Variants in ARVCF observed in about 807,000 individuals in gnomAD.
ARVCF encodes the protein splicing regulator ARVCF.
In ARVCF, 66 loss-of-function variants were observed where a neutral mutation model predicts 90.9. The ratio of observed to expected loss-of-function variants is 0.73; its 90% CI spans 0.60 to 0.89. The LOEUF (loss-of-function observed/expected upper bound fraction) is 0.89. Among genes scored for constraint, ARVCF ranks in the 40% least tolerant of loss-of-function variants. The pLI is 0.00. For synonymous variants in ARVCF, 653 were observed against 603.4 expected (o/e 1.08, Z -1.21); for missense variants, 1,469 against 1,382.3 (o/e 1.06, Z -1.00).
intron 4 of ARVCF, 40 bp from the exon 5 acceptor site, chr22:19,981,777 G>C: frequency 6.4e-7 from 1 of 1,551,026 alleles, no homozygotes; most frequent in Non-Finnish European, 8.7e-7. Flanking sequence ...TAGCACGAGA[G>C]GCCTAGAAAC....
rs1336160634 is a variant in ARVCF, at chr22:19,973,142, C to T, written c.2415G>A (p.Ala805=). 3.8e-6 allele frequency: 6 copies of T among 1,599,318 alleles called. No homozygotes were observed. The highest frequency in any genetic ancestry group is 5.1e-6 in the Non-Finnish European group (6 of 1,173,334). Residue 805 remains alanine, a synonymous_variant, in exon 14 of 20, where the codon GCG becomes GCA. Transcript: ENST00000263207. ...ACCTGGAGGCCACGAGAGCCACCAACGCTGGCACCCCGCGTGCCTGCAGGA... is the reference window on the plus strand; with the variant it reads ...ACCTGGAGGCCACGAGAGCCACCAATGCTGGCACCCCGCGTGCCTGCAGGA... ...RSLLQARGVP[A]LVALVASSQS...
Position 19,974,104 on chromosome 22 carries a change from T to A in ARVCF, c.2088+8A>T, listed in dbSNP as rs1351838865. ...GACTTGCCCACCCTGCCCGACCTGG[T>A]CCCTCACCATCCAGTTGCCGGCACT... On this transcript the variant is annotated splice_region_variant and intron_variant, in intron 12 of 19. Coordinates refer to ENST00000263207, the MANE Select transcript of ARVCF (RefSeq NM_001670.3). The A allele has an allele frequency of 6.2e-7, 1 of 1,604,780 alleles. No homozygotes were observed. Among genetic ancestry groups the A allele is most frequent in the East Asian group, 2.2e-5 (1 of 44,676 alleles).
intron 2 of ARVCF, among the ~76,000 whole-genome samples, chr22:19,995,387 G>A (rs528882866): frequency 2.9e-4 from 44 of 152,018 alleles, no homozygotes; most frequent in African/African-American, 1.0e-3. Flanking sequence ...TGAATGGAAG[G>A]GGGGGTGGGC....
chr22:20,011,853 A>T (rs974470781), intron 1 of ARVCF, among the ~76,000 whole-genome samples: 2 of 151,868 alleles, frequency 1.3e-5, no homozygotes, highest in Non-Finnish European at 2.9e-5. Context: ...ACAGAGAACC[A>T]TGTGACTTTT....
At chr22:19,990,874 C>T in intron 2 of ARVCF, 62 bp from the exon 3 acceptor site, 1 of 1,468,178 alleles carries the variant, frequency 6.8e-7, no homozygotes, top group Non-Finnish European at 9.2e-7. Context: ...CCATCATGGG[C>T]CCCTGCCCGC....
intron 3 of ARVCF, among the ~76,000 whole-genome samples, chr22:19,988,698 G>A (rs562084459): frequency 2.0e-5 from 3 of 152,342 alleles, no homozygotes; most frequent in Admixed American, 1.3e-4. Flanking sequence ...GGCTCAGCAG[G>A]TAGATCGCTA....
chr22:20,012,084 C>CA (rs938101564), intron 1 of ARVCF, among the ~76,000 whole-genome samples: 1 of 134,280 alleles, frequency 7.4e-6, no homozygotes, highest in African/African-American at 2.7e-5. Flanking sequence ...CAAAGTCCCC[C>CA]CCCCCCACCC....
intron 3 of ARVCF, among the ~76,000 whole-genome samples, chr22:19,988,906 G>A (rs1371960095): frequency 6.6e-6 from 1 of 152,208 alleles, no homozygotes; most frequent in Non-Finnish European, 1.5e-5. Context: ...AGGGGCAGTA[G>A]CCTGAGGTCT....
intron 1 of ARVCF, among the ~76,000 whole-genome samples, chr22:20,013,140 G>A (rs1308632311): frequency 6.6e-6 from 1 of 152,264 alleles, no homozygotes; most frequent in Non-Finnish European, 1.5e-5. Context: ...GACAGGGAAG[G>A]TCCATGCTGC....
chr22:19,991,828 C>G (rs577795315), intron 2 of ARVCF, among the ~76,000 whole-genome samples: 1 of 152,258 alleles, frequency 6.6e-6, no homozygotes, highest in East Asian at 1.9e-4. Context: ...GGCATAGCCA[C>G]GAGGCCACAC....
At position 19,975,886 on chromosome 22, in the gene ARVCF, T is replaced by G; in HGVS notation, c.1889-129A>C. Reference sequence around the variant, plus strand: ...CCCCATGTCCAGGCCTGGGCACCTGTGGGAGTGGAGCACCGTTGTCAGAGT... The same window carrying G: ...CCCCATGTCCAGGCCTGGGCACCTGGGGGAGTGGAGCACCGTTGTCAGAGT... On this transcript the variant is annotated intron_variant, in intron 10 of 19. Transcript: ENST00000263207. 5.6e-6 allele frequency: 5 copies of G among 892,960 alleles called. No homozygotes were observed. In the South Asian group the frequency reaches 7.5e-5, roughly 13 times the overall value. The allele number at this position is 892,960 out of a possible 1,614,324, so 55.3% of individuals were successfully genotyped here.
rs1178903104 is a variant in ARVCF, at chr22:19,977,431, T to G, written c.1854A>C (p.Gly618=). ...CCCACCCACCTTTGGCCTTCTTGCC[T>G]CCAAAGCAGCTGGCATCATCCCGCC... ...RRRRDDASCF[G]GKKAKEEWFH... Residue 618 remains glycine (G), a synonymous_variant, in exon 9 of 20, where the codon GGA becomes GGC. Transcript: ENST00000263207. The G allele has an allele frequency of 3.9e-6, 6 of 1,537,396 alleles. No individual in the cohort carries two copies. In the East Asian group the frequency reaches 9.3e-5, roughly 24 times the overall value.
intron 3 of ARVCF, among the ~76,000 whole-genome samples, chr22:19,984,257 G>A (rs1280692679): frequency 6.6e-6 from 1 of 152,124 alleles, no homozygotes; most frequent in Non-Finnish European, 1.5e-5. Context: ...AAAAGGGGAG[G>A]ACATCTCAGG....
chr22:19,999,595 C>T (rs943163928), intron 2 of ARVCF, among the ~76,000 whole-genome samples: 6 of 152,202 alleles, frequency 3.9e-5, no homozygotes, highest in African/African-American at 1.4e-4. Flanking sequence ...CAGGGAGTGG[C>T]CATAGGGTGG....
intron 3 of ARVCF, among the ~76,000 whole-genome samples, chr22:19,985,802 G>A (rs1943737089): frequency 6.6e-6 from 1 of 152,236 alleles, no homozygotes; most frequent in Admixed American, 6.5e-5. Flanking sequence ...CAGAGAATGA[G>A]TTAAGGTGAG....
At position 19,977,401 on chromosome 22, in the gene ARVCF, T is replaced by A. The variant is rs755699048; in HGVS notation, c.1870+14A>T. On this transcript the variant is annotated intron_variant, in intron 9 of 19. Coordinates refer to ENST00000263207, the MANE Select transcript of ARVCF (RefSeq NM_001670.3). ...TGAGATGGTAGAGATGATACCCCAG[T>A]CCGCCCCACCCACCTTTGGCCTTCT... is the stretch of plus-strand genomic sequence containing the variant. 4 of 1,500,230 alleles carry A rather than the reference T, an allele frequency of 2.7e-6. No individual in the cohort carries two copies. Among genetic ancestry groups the A allele is most frequent in the Non-Finnish European group, 3.6e-6 (4 of 1,122,720 alleles). 92.9% of individuals were successfully genotyped at this position (1,500,230 alleles called of 1,614,324 possible). A position where few individuals can be genotyped will look rare whatever the true frequency, so the allele number is the denominator to read the frequency against.
At chr22:20,007,850 T>G (rs1944687926) in intron 2 of ARVCF, among the ~76,000 whole-genome samples, 1 of 152,210 alleles carries the variant, frequency 6.6e-6, no homozygotes, top group South Asian at 2.1e-4. Context: ...TTAGCCAGTC[T>G]CAGGTATTCT....
chr22:19,984,441 C>T (rs1569169830), intron 3 of ARVCF, among the ~76,000 whole-genome samples: 1 of 152,150 alleles, frequency 6.6e-6, no homozygotes, highest in Non-Finnish European at 1.5e-5. Flanking sequence ...ATCCAGAGGC[C>T]CCAAGAGTCC....
intron 1 of ARVCF, among the ~76,000 whole-genome samples, chr22:20,014,355 C>G (rs1391818756): frequency 2.0e-5 from 3 of 151,132 alleles, no homozygotes; most frequent in African/African-American, 7.3e-5. Flanking sequence ...CCACCATGCC[C>G]GACTAATTTT....
Sources: allele counts gnomAD v4.1 joint callset (sites outside exome capture counted in the v4.1 genomes callset), GRCh38; gene constraint gnomAD v4.1.1; transcripts MANE v1.5; gene names NCBI Gene and HGNC (gene_info 2026-07-23, HGNC 2026-07-21).